STK32A: variants seen among roughly 807,000 people sequenced by gnomAD.
STK32A encodes the protein serine/threonine kinase 32A.
A neutral mutation model predicts 53.2 loss-of-function variants in STK32A; 41 were observed. That is an observed-to-expected ratio of 0.77 (90% confidence interval 0.60 to 1.00). The LOEUF (loss-of-function observed/expected upper bound fraction) is 1.00. Ranked by LOEUF, STK32A falls within the 50% of genes least tolerant of loss-of-function variation. The pLI, the probability that STK32A is intolerant of heterozygous loss-of-function variation, is 0.00. For synonymous variants in STK32A, 166 were observed against 162.8 expected (o/e 1.02, Z -0.15); for missense variants, 458 against 485.8 (o/e 0.94, Z 0.54).
chr5:147,323,945 T>C lies in STK32A; in HGVS notation c.308T>C (p.Leu103Pro), dbSNP rs755456262. Residue 103 changes from leucine to proline, a missense_variant, in exon 5 of 13, where the codon CTG becomes CCG. Transcript: ENST00000397936. ...GACATGTTCATGGTGGTGGACCTCC[T>C]GCTGGGTGGAGACCTGCGTTATCAC... The part of the protein sequence containing the change: ...EEDMFMVVDL[L>P]LGGDLRYHLQ... The C allele has an allele frequency of 6.2e-7, 1 of 1,613,822 alleles. No individual in the cohort carries two copies. The highest frequency in any genetic ancestry group is 1.7e-5 in the Admixed American group (1 of 59,958).
In STK32A at chr5:147,384,148, C is replaced by T; in HGVS notation, c.*165C>T. The T allele has an allele frequency of 6.9e-7, 1 of 1,459,258 alleles. No homozygotes were observed. The highest frequency in any genetic ancestry group is 8.9e-7 in the Non-Finnish European group (1 of 1,119,362). The allele number at this position is 1,459,258 out of a possible 1,614,324, so 90.4% of individuals were successfully genotyped here. On this transcript the variant is annotated 3_prime_UTR_variant, in exon 13 of 13. Transcript: ENST00000397936. ...CACAACACAGTGAAGGGTCCTGGGCCTGAGCTCCTGGGATGTCATTTCACA... is the reference window on the plus strand; with the variant it reads ...CACAACACAGTGAAGGGTCCTGGGCTTGAGCTCCTGGGATGTCATTTCACA...
intron 4 of STK32A, among the ~76,000 whole-genome samples, chr5:147,288,624 AAG>A (rs1312984278): frequency 6.6e-6 from 1 of 152,128 alleles, no homozygotes; most frequent in Non-Finnish European, 1.5e-5. Flanking sequence ...GAGCAGGAGC[AAG>A]AGAGAGGAGG....
the STK32A span, chr5:147,399,177 G>T: frequency 6.2e-7 from 1 of 1,614,240 alleles, no homozygotes; most frequent in Non-Finnish European, 8.5e-7. Flanking sequence ...CCCTTGCGGG[G>T]ATACAGGTTG....
At chr5:147,259,182 C>T (rs1292449368) in intron 2 of STK32A, among the ~76,000 whole-genome samples, 13 of 152,150 alleles carry the variant, frequency 8.5e-5, no homozygotes, top group Non-Finnish European at 1.3e-4. Flanking sequence ...CTTTTTCTAA[C>T]AGAATAGCCC....
At chr5:147,397,521 T>C in the STK32A span, 1 of 870,692 alleles carries the variant, frequency 1.1e-6, no homozygotes, top group East Asian at 2.7e-5. Flanking sequence ...ATTAAGTCTG[T>C]GTAGTTGTTC....
intron 4 of STK32A, among the ~76,000 whole-genome samples, chr5:147,287,956 T>C (rs1752423607): frequency 1.3e-5 from 2 of 152,176 alleles, no homozygotes; most frequent in Admixed American, 6.5e-5. Flanking sequence ...TTTCATTCTG[T>C]TCCTTTTTTT....
At chr5:147,316,180 G>T (rs576603683) in intron 4 of STK32A, among the ~76,000 whole-genome samples, 2 of 152,286 alleles carry the variant, frequency 1.3e-5, no homozygotes, top group East Asian at 3.9e-4. Flanking sequence ...TATTTATAAT[G>T]ATATCATTGA....
intron 7 of STK32A, among the ~76,000 whole-genome samples, chr5:147,359,121 T>C (rs963574540): frequency 2.0e-5 from 3 of 152,188 alleles, no homozygotes; most frequent in Non-Finnish European, 2.9e-5. Flanking sequence ...GTGGCTTTTT[T>C]GAAGGACACT....
intron 2 of STK32A, among the ~76,000 whole-genome samples, chr5:147,244,079 C>A (rs756042605): frequency 8.5e-5 from 13 of 152,144 alleles, no homozygotes; most frequent in Non-Finnish European, 1.5e-4. Flanking sequence ...AACCATTTGA[C>A]TTTATGTCTC....
At chr5:147,323,036 G>T (rs1410925093) in intron 4 of STK32A, among the ~76,000 whole-genome samples, 1 of 152,144 alleles carries the variant, frequency 6.6e-6, no homozygotes, top group East Asian at 1.9e-4. Context: ...CCTAGTCTGT[G>T]CTTGCATGCA....
intron 5 of STK32A, among the ~76,000 whole-genome samples, chr5:147,330,631 TGAGG>T (rs1411461176): frequency 3.3e-5 from 5 of 152,238 alleles, no homozygotes; most frequent in Non-Finnish European, 7.3e-5. Context: ...AAGGAAGAAG[TGAGG>T]AGGTTTCAAC....
At chr5:147,312,143 C>T (rs1001352151) in intron 4 of STK32A, among the ~76,000 whole-genome samples, 1 of 152,176 alleles carries the variant, frequency 6.6e-6, no homozygotes, top group Non-Finnish European at 1.5e-5. Context: ...TCTTGTTGCC[C>T]AGGCTGGTGT....
chr5:147,286,377 C>T (rs1752339970), intron 4 of STK32A, among the ~76,000 whole-genome samples: 1 of 152,122 alleles, frequency 6.6e-6, no homozygotes, highest in African/African-American at 2.4e-5. Context: ...CACTAAAGAA[C>T]TTACCCATGT....
At chr5:147,373,451 A>C (rs1447361932) in intron 10 of STK32A, among the ~76,000 whole-genome samples, 157 bp downstream of exon 10, 2 of 152,184 alleles carry the variant, frequency 1.3e-5, no homozygotes, top group Admixed American at 6.5e-5. Context: ...TGCACAGGGT[A>C]AGTTTGTCAC....
intron 4 of STK32A, among the ~76,000 whole-genome samples, chr5:147,302,165 C>T (rs904727921): frequency 1.3e-5 from 2 of 152,148 alleles, no homozygotes; most frequent in African/African-American, 4.8e-5. Flanking sequence ...GTATTTAGTG[C>T]AATTCATTCC....
chr5:147,242,027 TAA>T (rs1753600804), intron 2 of STK32A, among the ~76,000 whole-genome samples: 1 of 152,168 alleles, frequency 6.6e-6, no homozygotes, highest in Non-Finnish European at 1.5e-5. Context: ...AATTGGGAAA[TAA>T]GATACCCCTT....
At chr5:147,319,726 T>C (rs944935296) in intron 4 of STK32A, among the ~76,000 whole-genome samples, 4 of 152,210 alleles carry the variant, frequency 2.6e-5, no homozygotes, top group Non-Finnish European at 5.9e-5. Flanking sequence ...GGATCTCTTC[T>C]AACAAGGGCT....
chr5:147,260,857 C>T (rs1754532134), intron 2 of STK32A, among the ~76,000 whole-genome samples: 1 of 152,218 alleles, frequency 6.6e-6, no homozygotes, highest in Non-Finnish European at 1.5e-5. Context: ...TCCACACAAA[C>T]AACACTGCAA....
chr5:147,320,514 A>G (rs565163005), intron 4 of STK32A, among the ~76,000 whole-genome samples: 3 of 152,230 alleles, frequency 2.0e-5, no homozygotes, highest in Non-Finnish European at 4.4e-5. Context: ...ACAGGTACTG[A>G]GGCAACAATG....
Sources: allele counts gnomAD v4.1 joint callset (sites outside exome capture counted in the v4.1 genomes callset), GRCh38; gene constraint gnomAD v4.1.1; transcripts MANE v1.5; gene names NCBI Gene and HGNC (gene_info 2026-07-23, HGNC 2026-07-21).